PPARGC1A: variants seen among roughly 807,000 people sequenced by gnomAD.
The protein encoded by PPARGC1A is PPARG coactivator 1 alpha.
A neutral mutation model predicts 88.7 loss-of-function variants in PPARGC1A; 25 were observed. That is an observed-to-expected ratio of 0.28 (90% CI 0.21 to 0.39). The LOEUF is 0.39. PPARGC1A is among the 10% of genes least tolerant of loss of function. The probability of loss-of-function intolerance (pLI) is 1.00; values close to 1 mark genes in which losing one functional copy is unlikely to be tolerated. For synonymous variants in PPARGC1A, 363 were observed against 355.6 expected (o/e 1.02, Z -0.24); for missense variants, 880 against 968.7 (o/e 0.91, Z 1.22).
the PPARGC1A span, among the ~76,000 whole-genome samples, chr4:24,029,552 C>T: frequency 0.016 from 2,362 of 152,206 alleles, 64 homozygotes; most frequent in African/African-American, 0.054. Flanking sequence ...ATTTCCCAAT[C>T]TGAATAATTG....
At chr4:24,002,620 T>TTA in the PPARGC1A span, among the ~76,000 whole-genome samples, 1 of 148,390 alleles carries the variant, frequency 6.7e-6, no homozygotes, top group Admixed American at 6.7e-5. Flanking sequence ...TTTTTTTTTT[T>TTA]AAGCAACGAT....
In PPARGC1A at chr4:23,824,442, GT is replaced by G. The variant is rs1560379890; in HGVS notation, c.803+20del. 6.2e-7 allele frequency: 1 copy of G among 1,608,000 alleles called. No homozygotes were observed. The highest frequency in any genetic ancestry group is 2.2e-5 in the East Asian group (1 of 44,802). Reference sequence around the variant, plus strand: ...GAACCCCCTTCCCTTTCAGAAAATGGTTACATTTCTTAATACTTACTTTGGT... The same window carrying G: ...GAACCCCCTTCCCTTTCAGAAAATGGTACATTTCTTAATACTTACTTTGGT... On this transcript the variant is annotated intron_variant, in intron 6 of 12. Coordinates refer to ENST00000264867, the MANE Select transcript of PPARGC1A (RefSeq NM_013261.5).
At chr4:24,247,832 A>C in the PPARGC1A span, among the ~76,000 whole-genome samples, 2 of 152,282 alleles carry the variant, frequency 1.3e-5, no homozygotes, top group East Asian at 3.9e-4. Context: ...ACAAATTGGC[A>C]TTCACTCATT....
At chr4:24,146,850 C>T in the PPARGC1A span, among the ~76,000 whole-genome samples, 1 of 152,188 alleles carries the variant, frequency 6.6e-6, no homozygotes, top group Admixed American at 6.5e-5. Flanking sequence ...CTCCAGCCCA[C>T]TTCCTTGTTA....
chr4:24,318,852 T>C, the PPARGC1A span, among the ~76,000 whole-genome samples: 1 of 152,214 alleles, frequency 6.6e-6, no homozygotes, highest in South Asian at 2.1e-4. Flanking sequence ...AAAATACAAC[T>C]GGCTGTGCCA....
Position 23,795,552 on chromosome 4 carries a change from C to A in PPARGC1A, c.*270G>T, listed in dbSNP as rs1717433495. On this transcript the variant is annotated 3_prime_UTR_variant, in exon 13 of 13. Transcript: ENST00000264867. ...ACGCACACTCCATCACCAAGAGACTCCAGGAAAAGCAAAGCTGACACCCAT... is the reference window on the plus strand; with the variant it reads ...ACGCACACTCCATCACCAAGAGACTACAGGAAAAGCAAAGCTGACACCCAT... 2.7e-6 allele frequency: 1 copy of A among 368,910 alleles called. No homozygotes were observed. The highest frequency in any genetic ancestry group is 2.2e-5 in the African/African-American group (1 of 46,156). The allele number at this position is 368,910 out of a possible 1,614,324, so 22.9% of individuals were successfully genotyped here.
the PPARGC1A span, among the ~76,000 whole-genome samples, chr4:24,315,272 G>T: frequency 5.3e-5 from 8 of 152,150 alleles, no homozygotes; most frequent in Admixed American, 5.2e-4. Context: ...ATGTTAAGAT[G>T]GATTCATGAT....
chr4:24,465,887 T>A, the PPARGC1A span, among the ~76,000 whole-genome samples: 1 of 152,182 alleles, frequency 6.6e-6, no homozygotes, highest in Non-Finnish European at 1.5e-5. Context: ...TGTAACTATA[T>A]GTAGCACAAG....
intron 12 of PPARGC1A, among the ~76,000 whole-genome samples, chr4:23,797,576 T>G (rs1214199755): frequency 2.0e-5 from 3 of 152,158 alleles, no homozygotes; most frequent in Non-Finnish European, 2.9e-5. Flanking sequence ...ACTCTAGAAT[T>G]TCAGTGTTTC....
the PPARGC1A span, among the ~76,000 whole-genome samples, chr4:23,938,723 G>A: frequency 2.0e-5 from 3 of 152,210 alleles, no homozygotes; most frequent in Non-Finnish European, 2.9e-5. Flanking sequence ...AAACATGGAG[G>A]TTTGAGCATG....
chr4:24,020,763 C>T, the PPARGC1A span, among the ~76,000 whole-genome samples: 13 of 152,226 alleles, frequency 8.5e-5, no homozygotes, highest in East Asian at 5.8e-4. Context: ...TTTCTCACAC[C>T]CCTTGTCTCC....
At chr4:24,011,376 C>T in the PPARGC1A span, among the ~76,000 whole-genome samples, 5 of 152,268 alleles carry the variant, frequency 3.3e-5, no homozygotes, top group South Asian at 8.3e-4. Flanking sequence ...AGCACTCACA[C>T]ATACACACTC....
At chr4:24,454,902 C>CA in the PPARGC1A span, among the ~76,000 whole-genome samples, 70 of 146,102 alleles carry the variant, frequency 4.8e-4, 1 homozygote, top group South Asian at 3.1e-3. Context: ...TAGATTGTCA[C>CA]AAAAAAAAAA....
the PPARGC1A span, among the ~76,000 whole-genome samples, chr4:24,268,369 C>T: frequency 6.6e-6 from 1 of 152,094 alleles, no homozygotes; most frequent in Non-Finnish European, 1.5e-5. Context: ...ATGCTTAAAC[C>T]CTCTCTTGTC....
chr4:24,118,461 C>T, the PPARGC1A span, among the ~76,000 whole-genome samples: 2 of 152,254 alleles, frequency 1.3e-5, no homozygotes, highest in East Asian at 3.9e-4. Flanking sequence ...CTGCCCTCTG[C>T]TAAACAGGAA....
the PPARGC1A span, among the ~76,000 whole-genome samples, chr4:24,060,420 T>C: frequency 6.6e-6 from 1 of 152,208 alleles, no homozygotes; most frequent in African/African-American, 2.4e-5. Context: ...ATGTTTAGAA[T>C]TTCTAGTAAC....
the PPARGC1A span, among the ~76,000 whole-genome samples, chr4:24,185,855 A>G: frequency 1.4e-5 from 2 of 142,010 alleles, no homozygotes; most frequent in Non-Finnish European, 3.0e-5. Context: ...ACATGTATAC[A>G]TATGTAACTA....
chr4:23,885,673 C>G (rs1716754274), intron 1 of PPARGC1A, among the ~76,000 whole-genome samples: 1 of 151,742 alleles, frequency 6.6e-6, no homozygotes, highest in African/African-American at 2.4e-5. Flanking sequence ...TATGTGTTTG[C>G]ACACGTATGT....
the PPARGC1A span, among the ~76,000 whole-genome samples, chr4:24,262,185 G>A: frequency 0.017 from 2,661 of 152,218 alleles, 89 homozygotes; most frequent in African/African-American, 0.06. Flanking sequence ...GTGCTTCTGG[G>A]CCCGTGGTAA....
Sources: allele counts gnomAD v4.1 joint callset (sites outside exome capture counted in the v4.1 genomes callset), GRCh38; gene constraint gnomAD v4.1.1; transcripts MANE v1.5; gene names NCBI Gene and HGNC (gene_info 2026-07-23, HGNC 2026-07-21).